TRPV4: variants seen among roughly 807,000 people sequenced by gnomAD.
TRPV4 encodes the protein transient receptor potential cation channel subfamily V member 4.
In TRPV4, 58 loss-of-function variants were observed where a neutral mutation model predicts 84.1. The ratio of observed to expected loss-of-function variants is 0.69; its 90% CI spans 0.56 to 0.86. The LOEUF (loss-of-function observed/expected upper bound fraction) is 0.86, where lower values mean the gene tolerates loss of function less well. Among genes scored for constraint, TRPV4 ranks in the 40% least tolerant of loss-of-function variants. TRPV4 has a pLI of 0.00. For synonymous variants in TRPV4, 489 were observed against 500.9 expected (o/e 0.98, Z 0.32); for missense variants, 879 against 1,181.1 (o/e 0.74, Z 3.75).
intron 3 of TRPV4, among the ~76,000 whole-genome samples, chr12:109,807,157 T>C (rs1285010862): frequency 3.3e-5 from 5 of 151,096 alleles, no homozygotes; most frequent in Non-Finnish European, 7.4e-5. Context: ...ATGCCTGTAA[T>C]CCCAGCTACT....
At position 109,803,031 on chromosome 12, in the gene TRPV4, C is replaced by T; in HGVS notation, c.672G>A (p.Arg224=). 1.2e-6 allele frequency: 2 copies of T among 1,614,164 alleles called. No individual in the cohort carries two copies. Among genetic ancestry groups the T allele is most frequent in the Non-Finnish European group, 1.7e-6 (2 of 1,180,040 alleles). Residue 224 remains arginine, a synonymous_variant, in exon 4 of 16, where the codon AGG becomes AGA. Coordinates refer to ENST00000261740, the MANE Select transcript of TRPV4 (RefSeq NM_021625.5). ...CACGGAAGGGCGAGTTAATGAACTC[C>T]CTCATGTTGCCGGTGCGCTCCGCGA... ...LDIAERTGNM[R]EFINSPFRDI...
chr12:109,811,165 TTA>T (rs1422849739), intron 2 of TRPV4, among the ~76,000 whole-genome samples: 10 of 152,270 alleles, frequency 6.6e-5, no homozygotes, highest in Non-Finnish European at 1.3e-4. Flanking sequence ...CCCTCCTGGA[TTA>T]CCTTTCTTGT....
In TRPV4 at chr12:109,793,904, G is replaced by C. The variant is rs1381696604; in HGVS notation, c.1584+26C>G. On this transcript the variant is annotated intron_variant, in intron 9 of 15. Transcript: ENST00000261740. This position sits in a 1 kb window ranked among gnomAD's most constrained non-coding sequence, Gnocchi z 4.0. ...AAGAGAAGAGGAGGGCAGGCAGGGT[G>C]GGGGGCACGGGGGCCAGGCACTTAC... 7 of 1,551,408 alleles carry C rather than the reference G, an allele frequency of 4.5e-6. No homozygotes were observed. The highest frequency in any genetic ancestry group is 2.3e-5 in the East Asian group (1 of 44,158).
In TRPV4 at chr12:109,785,334, C is replaced by T. The variant is rs1196263058; in HGVS notation, c.2337-897G>A. ...AGATAATATTTCACTGTACACATAGCCCACATTTTGTTTATCCACTCATTT... is the reference window on the plus strand; with the variant it reads ...AGATAATATTTCACTGTACACATAGTCCACATTTTGTTTATCCACTCATTT... On this transcript the variant is annotated intron_variant, in intron 14 of 15. Coordinates refer to ENST00000261740, the MANE Select transcript of TRPV4 (RefSeq NM_021625.5). 2.0e-5 allele frequency among the ~76,000 whole-genome samples: 3 copies of T among 152,074 alleles called. No individual in the cohort carries two copies. The East Asian group carries it at 5.8e-4, about 29-fold the overall frequency.
intron 1 of TRPV4, among the ~76,000 whole-genome samples, chr12:109,824,017 T>C (rs1892182297): frequency 6.6e-6 from 1 of 151,562 alleles, no homozygotes; most frequent in Non-Finnish European, 1.5e-5. Flanking sequence ...CAGGCTAGAG[T>C]ATAAGTGGCA....
At position 109,792,618 on chromosome 12, in the gene TRPV4, A is replaced by G. The variant is rs750971828; in HGVS notation, c.1824+34T>C. The G allele has an allele frequency of 4.2e-5, 68 of 1,613,252 alleles. No homozygotes were observed. In the East Asian group the frequency reaches 1.1e-3, roughly 26 times the overall value. ...GGTGTGTGTGTGACTCCCTCCAGGAACACACGAGTCCAGAGGGTCCTCCCA... is the reference window on the plus strand; with the variant it reads ...GGTGTGTGTGTGACTCCCTCCAGGAGCACACGAGTCCAGAGGGTCCTCCCA... On this transcript the variant is annotated intron_variant, in intron 11 of 15. Transcript: ENST00000261740.
At chr12:109,805,958 C>T (rs990671852) in intron 3 of TRPV4, among the ~76,000 whole-genome samples, 2 of 152,238 alleles carry the variant, frequency 1.3e-5, no homozygotes, top group African/African-American at 2.4e-5. Context: ...TCCCAGGATT[C>T]GCTCTACCCC....
At chr12:109,813,204 G>A (rs561572478) in intron 2 of TRPV4, among the ~76,000 whole-genome samples, 2 of 152,194 alleles carry the variant, frequency 1.3e-5, no homozygotes, top group African/African-American at 4.8e-5. Context: ...GAGGTCAGGA[G>A]TTCAAGACCA....
intron 12 of TRPV4, among the ~76,000 whole-genome samples, chr12:109,791,284 G>T (rs1000960119): frequency 2.6e-5 from 4 of 152,052 alleles, no homozygotes; most frequent in Non-Finnish European, 5.9e-5. Context: ...TCGAGAGGCT[G>T]AGGCAAGAGA....
chr12:109,824,200 G>A (rs2136707078), intron 1 of TRPV4, among the ~76,000 whole-genome samples: 2 of 152,014 alleles, frequency 1.3e-5, no homozygotes, highest in Admixed American at 1.3e-4. Context: ...CCTGACCTCA[G>A]GTGATCCGAC....
rs1168377850 is a variant in TRPV4, at chr12:109,792,817, G to A, written c.1659C>T (p.Tyr553=). 1.2e-6 allele frequency: 2 copies of A among 1,613,686 alleles called. No homozygotes were observed. Among genetic ancestry groups the A allele is most frequent in the Non-Finnish European group, 1.7e-6 (2 of 1,180,020 alleles). ...CGATCACCAGGACAGAGTAGATGAA[G>A]CTGCAGTGCAGCAGAGACCACAAGA... ...LFIDGSFQLL[Y]FIYSVLVIVS... is the part of the protein sequence containing the mutation. The change falls in exon 11 of 16, where the codon TAC becomes TAT. Residue 553 remains tyrosine (Y), a splice_region_variant and synonymous_variant. Transcript: ENST00000261740.
Position 109,815,335 on chromosome 12 carries a change from G to C in TRPV4, c.-31-508C>G, listed in dbSNP as rs1253797322. ...CAGTGCAGTGCCTGGCACGTGGTAA[G>C]CACCTGCTAAGGCAGAACCATTAAC... On this transcript the variant is annotated intron_variant, in intron 1 of 15. Transcript: ENST00000261740. The surrounding 1 kb of genome is among the most constrained non-coding windows in gnomAD (Gnocchi z 4.1). Among the ~76,000 whole-genome samples the C allele has an allele frequency of 6.6e-6, 1 of 152,240 alleles. No individual in the cohort carries two copies. Among genetic ancestry groups the C allele is most frequent in the East Asian group, 1.9e-4 (1 of 5,198 alleles).
chr12:109,783,778 T>C lies in TRPV4; in HGVS notation c.2459A>G (p.Asp820Gly), dbSNP rs754158623. The change falls in exon 16 of 16, where the codon GAT becomes GGT. Residue 820 changes from aspartate (D) to glycine (G), a missense_variant and splice_region_variant. By Grantham distance (94) the Asp-to-Gly change is moderately conservative. This residue lies in a region of TRPV4 where 242 missense variants were observed against 355.3 expected (regional missense o/e 0.68). Transcript: ENST00000261740. The surrounding 1 kb of genome is among the most constrained non-coding windows in gnomAD (Gnocchi z 4.6). The stretch of plus-strand genomic sequence containing the variant: ...GCGGGGTACCACCGAGGACCAGCGA[T>C]CTGCACCGAGAGCACATCAGAGGGA... ...FSHTVGRLRR[D>G]RWSSVVPRVV... is the part of the protein sequence containing the mutation. The C allele has an allele frequency of 3.1e-6, 5 of 1,610,680 alleles. No homozygotes were observed. The African/African-American group carries it at 6.7e-5, about 22-fold the overall frequency.
In TRPV4 at chr12:109,808,280, C is replaced by A; in HGVS notation, c.559+16G>T. 6.2e-7 allele frequency: 1 copy of A among 1,613,896 alleles called. No individual in the cohort carries two copies. The highest frequency in any genetic ancestry group is 8.5e-7 in the Non-Finnish European group (1 of 1,179,930). ...CCCTGGCTGTCCCACTGGCTATGCCCATCTGGGTGGCTCACCTCGAAACTC... is the reference window on the plus strand; with the variant it reads ...CCCTGGCTGTCCCACTGGCTATGCCAATCTGGGTGGCTCACCTCGAAACTC... On this transcript the variant is annotated intron_variant, in intron 3 of 15. Transcript: ENST00000261740.
At chr12:109,802,104 C>T (rs1479377149) in intron 4 of TRPV4, among the ~76,000 whole-genome samples, 1 of 150,742 alleles carries the variant, frequency 6.6e-6, no homozygotes, top group Non-Finnish European at 1.5e-5. Flanking sequence ...GATCACTAGA[C>T]TCGCTGCATC....
chr12:109,819,482 G>T (rs530829628), intron 1 of TRPV4, among the ~76,000 whole-genome samples: 2 of 152,336 alleles, frequency 1.3e-5, no homozygotes, highest in Admixed American at 1.3e-4. Flanking sequence ...GTGTGCATCA[G>T]GGAGGCACCC....
In TRPV4 at chr12:109,794,459, G is replaced by A. The variant is rs1890261949; in HGVS notation, c.1361C>T (p.Pro454Leu). Residue 454 changes from proline to leucine, a missense_variant, in exon 8 of 16, where the codon CCC (proline) becomes CTC (leucine). This residue lies in a region of TRPV4 where 521 missense variants were observed against 686.6 expected (regional missense o/e 0.76). Transcript: ENST00000261740. The part of the protein sequence containing the change: ...ENRHEMLAVE[P>L]INELLRDKWR... ...CTTGTCCCGCAGCAGTTCATTGATG[G>A]GCTCCACAGCCAGCATCTCGTGGCG... 1 of 1,614,086 alleles carries A rather than the reference G, an allele frequency of 6.2e-7. No individual in the cohort carries two copies. The highest frequency in any genetic ancestry group is 8.5e-7 in the Non-Finnish European group (1 of 1,180,032).
chr12:109,820,312 C>T (rs1391962068), intron 1 of TRPV4, among the ~76,000 whole-genome samples: 1 of 151,934 alleles, frequency 6.6e-6, no homozygotes, highest in Non-Finnish European at 1.5e-5. Flanking sequence ...GAGCCAGGGT[C>T]CCCAGACCTT....
intron 3 of TRPV4, among the ~76,000 whole-genome samples, chr12:109,805,286 C>A (rs181401886): frequency 2.2e-3 from 329 of 152,340 alleles, no homozygotes; most frequent in South Asian, 0.011. Flanking sequence ...GAGAGCTGGG[C>A]ACCCCAGGTA....
Sources: gnomAD v4.1 joint callset for allele counts (sites outside exome capture counted in the v4.1 genomes callset) on GRCh38, gnomAD v4.1.1 for gene constraint, gnomAD v4.1.1 regional missense constraint, Gnocchi (gnomAD v3.1) non-coding constraint, MANE v1.5 for transcripts, NCBI Gene and HGNC (gene_info 2026-07-23, HGNC 2026-07-21) for gene names.